The following OPCML variants were observed in gnomAD, a reference collection of about 807,000 sequenced individuals.
The protein encoded by OPCML is opioid-binding protein/cell adhesion molecule.
OPCML carries 13 observed loss-of-function variants against 37.8 expected under a neutral mutation model. The observed-to-expected ratio is 0.34, with a 90% CI of 0.22 to 0.55. The LOEUF (loss-of-function observed/expected upper bound fraction) is 0.55. OPCML is among the 20% of genes least tolerant of loss of function. The pLI, the probability that OPCML is intolerant of heterozygous loss-of-function variation, is 0.91. For missense variants in OPCML, 341 were observed against 435.6 expected, an observed-to-expected ratio of 0.78 and a Z score of 1.93; for synonymous variants, 176 against 168.8, an observed-to-expected ratio of 1.04 and a Z score of -0.33.
chr11:133,396,732 C>T (rs761805049), intron 1 of OPCML, among the ~76,000 whole-genome samples: 2 of 152,166 alleles, frequency 1.3e-5, no homozygotes, highest in African/African-American at 2.4e-5. Context: ...GGCACATTCA[C>T]CATCCTTGAG....
rs116320012 is a variant in OPCML at position 133,208,722 on chromosome 11, G to A, written c.62-265712C>T. 4.3e-3 allele frequency among the ~76,000 whole-genome samples: 650 copies of A among 152,268 alleles called. 6 individuals are homozygous for A. The highest frequency in any genetic ancestry group is 0.015 in the African/African-American group (608 of 41,538). ...AGCACTAGCCATCCAAGTGAATAAA[G>A]GCTGCTGTAAGACTGAAGCACACGT... On this transcript the variant is annotated intron_variant, in intron 1 of 7. Coordinates refer to ENST00000524381, the MANE Select transcript of OPCML (RefSeq NM_001012393.5). This position sits in a 1 kb window ranked among gnomAD's most constrained non-coding sequence, Gnocchi z 8.9.
At chr11:132,484,092 C>T (rs1164247267) in intron 4 of OPCML, among the ~76,000 whole-genome samples, 3 of 152,164 alleles carry the variant, frequency 2.0e-5, no homozygotes, top group Non-Finnish European at 2.9e-5. Context: ...TAAAGAGCTT[C>T]TGCACAGCAA....
chr11:132,448,681 C>G (rs1361048551), intron 4 of OPCML, among the ~76,000 whole-genome samples: 2 of 152,170 alleles, frequency 1.3e-5, no homozygotes, highest in African/African-American at 4.8e-5. Context: ...ATCTGTCTTG[C>G]TAGCCTCCCT....
intron 4 of OPCML, among the ~76,000 whole-genome samples, chr11:132,448,311 T>C (rs1012916218): frequency 2.6e-5 from 4 of 152,228 alleles, no homozygotes; most frequent in African/African-American, 9.6e-5. Flanking sequence ...TCAGCATTCA[T>C]CAATATTTTC....
intron 1 of OPCML, among the ~76,000 whole-genome samples, chr11:133,440,048 AC>A (rs1343548078): frequency 2.0e-5 from 3 of 152,146 alleles, no homozygotes; most frequent in African/African-American, 7.2e-5. Flanking sequence ...AAACCAACAA[AC>A]TTTTTAGCCA....
chr11:133,166,669 C>A (rs1174231126), intron 1 of OPCML, among the ~76,000 whole-genome samples: 1 of 152,144 alleles, frequency 6.6e-6, no homozygotes, highest in Admixed American at 6.5e-5. Flanking sequence ...GGCTCTGAGC[C>A]GGACCGTGCT....
At chr11:132,822,219 T>C (rs150789037) in intron 2 of OPCML, among the ~76,000 whole-genome samples, 2,488 of 151,940 alleles carry the variant, frequency 0.016, 27 homozygotes, top group Middle Eastern at 0.031. Flanking sequence ...AGAGCCTGTT[T>C]GAAGGCCCTC....
At chr11:133,253,145 C>CAAAA (rs549441502) in intron 1 of OPCML, among the ~76,000 whole-genome samples, 2 of 99,208 alleles carry the variant, frequency 2.0e-5, no homozygotes, top group Non-Finnish European at 4.3e-5. Flanking sequence ...GACTCTGTCT[C>CAAAA]AAAAAAAAAA....
intron 7 of OPCML, among the ~76,000 whole-genome samples, chr11:132,425,486 A>C (rs949378755): frequency 1.3e-5 from 2 of 152,198 alleles, no homozygotes; most frequent in Non-Finnish European, 2.9e-5. Flanking sequence ...TTTATGTATA[A>C]AATGTGGAAG....
At chr11:133,170,418 A>G (rs1950273143) in intron 1 of OPCML, among the ~76,000 whole-genome samples, 1 of 152,202 alleles carries the variant, frequency 6.6e-6, no homozygotes. Flanking sequence ...CCCAGGAGGC[A>G]GAGCTTGCAG....
chr11:132,942,906 G>A lies in OPCML; in HGVS notation c.146+20C>T, dbSNP rs1158406275. On this transcript the variant is annotated intron_variant, in intron 2 of 7. Coordinates refer to ENST00000524381, the MANE Select transcript of OPCML (RefSeq NM_001012393.5). ...ACCACAGCCCAGGGGCTCGGCCCCC[G>A]CGGAAGGACAGCTCCCTACCTGAGG... 2 of 1,613,610 alleles carry A rather than the reference G, an allele frequency of 1.2e-6. No individual in the cohort carries two copies. Among genetic ancestry groups the A allele is most frequent in the African/African-American group, 1.3e-5 (1 of 74,932 alleles).
intron 1 of OPCML, among the ~76,000 whole-genome samples, chr11:133,247,822 C>G (rs762314785): frequency 6.6e-6 from 1 of 152,028 alleles, no homozygotes; most frequent in African/African-American, 2.4e-5. Flanking sequence ...ATGGGCCAGG[C>G]TGGTCTCAAA....
At chr11:132,513,251 A>G (rs2096272665) in intron 4 of OPCML, among the ~76,000 whole-genome samples, 1 of 152,174 alleles carries the variant, frequency 6.6e-6, no homozygotes, top group South Asian at 2.1e-4. Context: ...AGATCTGGGT[A>G]GCATAGAATT....
Position 132,973,049 on chromosome 11 carries a change from G to A in OPCML, c.62-30039C>T, listed in dbSNP as rs538688980. On this transcript the variant is annotated intron_variant, in intron 1 of 7. Coordinates refer to ENST00000524381, the MANE Select transcript of OPCML (RefSeq NM_001012393.5). Reference sequence around the variant, plus strand: ...TCCCTGCACCAAAGAGTGTCAGCAAGTATGACAGTTTTGTGTTGTTTGTTT... The same window carrying A: ...TCCCTGCACCAAAGAGTGTCAGCAAATATGACAGTTTTGTGTTGTTTGTTT... Among the ~76,000 whole-genome samples, 44 of 152,248 alleles carry A rather than the reference G, an allele frequency of 2.9e-4. 1 individual carries two copies. In the South Asian group the frequency reaches 8.9e-3, roughly 31 times the overall value.
chr11:132,817,442 C>G (rs1036609989), intron 2 of OPCML, among the ~76,000 whole-genome samples: 5 of 152,030 alleles, frequency 3.3e-5, no homozygotes, highest in Non-Finnish European at 7.4e-5. Context: ...CTTGGGACCA[C>G]AGGTGTTTTC....
In OPCML at chr11:133,261,459, G is replaced by C. The variant is rs147391458; in HGVS notation, c.61+270805C>G. 7.7e-3 allele frequency among the ~76,000 whole-genome samples: 1,166 copies of C among 152,260 alleles called. 14 individuals carry two copies. Among genetic ancestry groups the C allele is most frequent in the African/African-American group, 0.026 (1,088 of 41,532 alleles). On this transcript the variant is annotated intron_variant, in intron 1 of 7. Transcript: ENST00000524381. ...TCTGCTCAGCTGGCATCAGACGAAA[G>C]AGTGGTGAGGCTGGCACATGGTCTG... is the stretch of plus-strand genomic sequence containing the variant.
At chr11:132,991,299 C>T (rs1946770522) in intron 1 of OPCML, among the ~76,000 whole-genome samples, 1 of 152,152 alleles carries the variant, frequency 6.6e-6, no homozygotes, top group Admixed American at 6.5e-5. Context: ...GACATTTTCT[C>T]ACTGGAAAGA....
chr11:133,149,355 A>G (rs902635243), intron 1 of OPCML, among the ~76,000 whole-genome samples: 1 of 152,174 alleles, frequency 6.6e-6, no homozygotes, highest in Non-Finnish European at 1.5e-5. Flanking sequence ...TATATCACCC[A>G]TATATTTCCC....
intron 1 of OPCML, among the ~76,000 whole-genome samples, chr11:133,219,614 GAGA>G (rs1939729132): frequency 1.3e-5 from 2 of 152,188 alleles, no homozygotes; most frequent in Admixed American, 6.5e-5. Context: ...GCAGTGTGAT[GAGA>G]AGACTTGTAT....
Sources: gnomAD v4.1 joint callset for allele counts (sites outside exome capture counted in the v4.1 genomes callset) on GRCh38, gnomAD v4.1.1 for gene constraint, Gnocchi (gnomAD v3.1) non-coding constraint, MANE v1.5 for transcripts, NCBI Gene and HGNC (gene_info 2026-07-23, HGNC 2026-07-21) for gene names.